Variants in EYS observed in about 807,000 individuals in gnomAD.
The protein encoded by EYS is protein eyes shut homolog.
EYS carries 250 observed loss-of-function variants against 282.1 expected under a neutral mutation model. That is an observed-to-expected ratio of 0.89 (90% CI 0.80 to 0.98). EYS has a LOEUF of 0.98. Ranked by LOEUF, EYS falls within the 50% of genes least tolerant of loss-of-function variation. The pLI is 0.00. For missense variants in EYS, 4,016 were observed against 3,709.0 expected (o/e 1.08, Z -2.15); for synonymous variants, 1,355 against 1,282.9 (o/e 1.06, Z -1.20).
chr6:65,030,497 C>T (rs1772564691), intron 13 of EYS, among the ~76,000 whole-genome samples: 1 of 152,118 alleles, frequency 6.6e-6, no homozygotes, highest in Non-Finnish European at 1.5e-5. Flanking sequence ...TCACTGCATC[C>T]CCTGAGCACC....
At chr6:64,749,605 TA>T (rs199691017) in intron 22 of EYS, among the ~76,000 whole-genome samples, 52 of 151,164 alleles carry the variant, frequency 3.4e-4, no homozygotes, top group South Asian at 1.7e-3. Context: ...ACGACTATTC[TA>T]AAAAAAAACA....
chr6:63,954,503 C>T (rs573674439), intron 35 of EYS, among the ~76,000 whole-genome samples: 18 of 152,280 alleles, frequency 1.2e-4, no homozygotes, highest in South Asian at 1.0e-3. Flanking sequence ...TAAGGGTCCC[C>T]CATCATTAAT....
chr6:64,717,850 G>A (rs1402784796), intron 22 of EYS, among the ~76,000 whole-genome samples: 1 of 152,096 alleles, frequency 6.6e-6, no homozygotes. Context: ...CACTATGAGA[G>A]TCACTACCTC....
At chr6:65,562,672 G>A (rs1769112289) in intron 2 of EYS, among the ~76,000 whole-genome samples, 1 of 151,964 alleles carries the variant, frequency 6.6e-6, no homozygotes, top group Non-Finnish European at 1.5e-5. Flanking sequence ...GGGACAGAAT[G>A]CCTTCAGTAG....
At chr6:65,034,273 T>C (rs1474405851) in intron 13 of EYS, among the ~76,000 whole-genome samples, 1 of 152,192 alleles carries the variant, frequency 6.6e-6, no homozygotes, top group African/African-American at 2.4e-5. Context: ...ACTTTGTACT[T>C]TGAGTTAATG....
At chr6:65,508,546 C>A (rs547015099) in intron 2 of EYS, among the ~76,000 whole-genome samples, 2 of 151,188 alleles carry the variant, frequency 1.3e-5, no homozygotes, top group African/African-American at 4.9e-5. Context: ...TGGTGGCAGG[C>A]GCCTGTAGTC....
chr6:65,216,484 T>C (rs1208966851), intron 12 of EYS, among the ~76,000 whole-genome samples: 1 of 151,898 alleles, frequency 6.6e-6, no homozygotes, highest in African/African-American at 2.4e-5. Context: ...TTACCAAAAA[T>C]ATAAGGTAAA....
chr6:65,397,682 T>C (rs1766339150), intron 7 of EYS, among the ~76,000 whole-genome samples: 1 of 151,346 alleles, frequency 6.6e-6, no homozygotes, highest in South Asian at 2.1e-4. Context: ...GCTGATTCCA[T>C]GACTTTGCTA....
chr6:65,263,511 A>C (rs1767672085), intron 12 of EYS, among the ~76,000 whole-genome samples: 1 of 152,130 alleles, frequency 6.6e-6, no homozygotes, highest in Admixed American at 6.6e-5. Context: ...ATTAATAAAA[A>C]CTAAAAATTA....
chr6:64,709,213 T>C (rs994984613), intron 22 of EYS, among the ~76,000 whole-genome samples: 17 of 152,224 alleles, frequency 1.1e-4, no homozygotes, highest in African/African-American at 3.9e-4. Context: ...TATATTTTTA[T>C]AACTTATACC....
chr6:64,451,784 A>G (rs1473015492), intron 26 of EYS, among the ~76,000 whole-genome samples: 1 of 152,242 alleles, frequency 6.6e-6, no homozygotes, highest in Admixed American at 6.5e-5. Context: ...ATAGATGCAG[A>G]AAAGGCTTTT....
intron 21 of EYS, among the ~76,000 whole-genome samples, chr6:64,821,164 T>C (rs759015002): frequency 6.6e-5 from 10 of 152,018 alleles, no homozygotes; most frequent in Non-Finnish European, 8.8e-5. Context: ...CTCCTGAAGA[T>C]TGAAAGACAT....
chr6:64,163,710 C>A (rs1224259623), intron 31 of EYS, among the ~76,000 whole-genome samples: 1 of 151,902 alleles, frequency 6.6e-6, no homozygotes, highest in Non-Finnish European at 1.5e-5. Context: ...TTCTGTAAGG[C>A]AAAAGGATTT....
chr6:64,030,370 G>A (rs1184504789), intron 33 of EYS, among the ~76,000 whole-genome samples: 2 of 152,108 alleles, frequency 1.3e-5, no homozygotes, highest in Non-Finnish European at 1.5e-5. Flanking sequence ...GTGGAATGTC[G>A]ACCCATATCT....
chr6:65,133,543 T>C lies in EYS; in HGVS notation c.2024-75816A>G, dbSNP rs183085948. Reference sequence around the variant, plus strand: ...GTGAAAAGGACTCCCTATTCAATAATTTTGCTGGGATAACTAGCTAGCTAT... The same window carrying C: ...GTGAAAAGGACTCCCTATTCAATAACTTTGCTGGGATAACTAGCTAGCTAT... On this transcript the variant is annotated intron_variant, in intron 12 of 42. Transcript: ENST00000503581. Among the ~76,000 whole-genome samples the C allele has an allele frequency of 2.6e-5, 4 of 152,170 alleles. No homozygotes were observed. In the East Asian group the frequency reaches 7.7e-4, roughly 29 times the overall value.
At chr6:64,076,694 G>T (rs184256851) in intron 32 of EYS, among the ~76,000 whole-genome samples, 2 of 151,856 alleles carry the variant, frequency 1.3e-5, no homozygotes, top group Non-Finnish European at 2.9e-5. Flanking sequence ...CCCCAGCCCC[G>T]TGGAACTGTG....
At chr6:65,426,073 T>C (rs2150380377) in intron 5 of EYS, among the ~76,000 whole-genome samples, 1 of 152,182 alleles carries the variant, frequency 6.6e-6, no homozygotes, top group Middle Eastern at 3.4e-3. Flanking sequence ...ACTCCTGGGC[T>C]AAGTGATCCC....
At chr6:65,128,560 G>A (rs557056387) in intron 12 of EYS, among the ~76,000 whole-genome samples, 3 of 151,928 alleles carry the variant, frequency 2.0e-5, no homozygotes, top group Admixed American at 6.6e-5. Context: ...AATCAAGAAT[G>A]CAATTCTATT....
intron 2 of EYS, among the ~76,000 whole-genome samples, chr6:65,546,026 T>G (rs977778288): frequency 6.6e-6 from 1 of 150,762 alleles, no homozygotes; most frequent in African/African-American, 2.4e-5. Context: ...TTTTTTTTGT[T>G]GTTTTTTTTT....
Sources: gnomAD v4.1 joint callset for allele counts (sites outside exome capture counted in the v4.1 genomes callset) on GRCh38, gnomAD v4.1.1 for gene constraint, MANE v1.5 for transcripts, NCBI Gene and HGNC (gene_info 2026-07-23, HGNC 2026-07-21) for gene names.